The following MAPKAP1 variants were observed in gnomAD, a reference collection of about 807,000 sequenced individuals.
MAPKAP1 encodes MAPK associated protein 1, also known as target of rapamycin complex 2 subunit MAPKAP1.
In MAPKAP1, 20 loss-of-function variants were observed where a neutral mutation model predicts 65.7. The ratio of observed to expected loss-of-function variants is 0.30; its 90% CI spans 0.21 to 0.44. The LOEUF is 0.44. MAPKAP1 is among the 20% of genes least tolerant of loss of function. MAPKAP1 has a pLI of 1.00. For missense variants in MAPKAP1, 423 were observed against 648.0 expected, an observed-to-expected ratio of 0.65 and a Z score of 3.77; for synonymous variants, 222 against 244.3, an observed-to-expected ratio of 0.91 and a Z score of 0.85.
intron 10 of MAPKAP1, 139 bp from the exon 11 acceptor site, chr9:125,444,737 C>T (rs1025898068): frequency 2.1e-5 from 12 of 570,536 alleles, no homozygotes; most frequent in Admixed American, 6.9e-5. Flanking sequence ...AGGAGTAGTT[C>T]GTTTTCTCAT....
At chr9:125,705,417 G>A (rs1218002454) in intron 1 of MAPKAP1, among the ~76,000 whole-genome samples, 3 of 151,996 alleles carry the variant, frequency 2.0e-5, no homozygotes, top group African/African-American at 2.4e-5. Context: ...AGCATTACCT[G>A]GCCACATCCC....
intron 4 of MAPKAP1, among the ~76,000 whole-genome samples, chr9:125,633,492 T>C (rs1206485464): frequency 6.6e-6 from 1 of 152,192 alleles, no homozygotes; most frequent in African/African-American, 2.4e-5. Flanking sequence ...TAAAAGACAG[T>C]TGTCAGAATG....
chr9:125,638,226 G>A (rs1045354627), intron 4 of MAPKAP1, among the ~76,000 whole-genome samples: 1 of 152,182 alleles, frequency 6.6e-6, no homozygotes, highest in African/African-American at 2.4e-5. Context: ...CAATGAACAG[G>A]ACAAACCAAA....
intron 8 of MAPKAP1, among the ~76,000 whole-genome samples, chr9:125,498,434 T>A (rs1483531903): frequency 2.0e-5 from 3 of 152,186 alleles, no homozygotes; most frequent in African/African-American, 7.2e-5. Context: ...ATGAGAACAA[T>A]ATCTTGTAGG....
intron 9 of MAPKAP1, among the ~76,000 whole-genome samples, chr9:125,481,051 CATT>C (rs1464538053): frequency 2.2e-5 from 3 of 134,038 alleles, no homozygotes; most frequent in African/African-American, 8.3e-5. Context: ...AAAAGGTAAA[CATT>C]ATTATCCCCA....
At chr9:125,456,805 T>G (rs1225592395) in intron 10 of MAPKAP1, among the ~76,000 whole-genome samples, 1 of 152,126 alleles carries the variant, frequency 6.6e-6, no homozygotes, top group Non-Finnish European at 1.5e-5. Flanking sequence ...GATTGCAGCC[T>G]TTTGAGAGAC....
chr9:125,660,218 A>T (rs1387491772), intron 3 of MAPKAP1, among the ~76,000 whole-genome samples: 1 of 152,164 alleles, frequency 6.6e-6, no homozygotes, highest in East Asian at 1.9e-4. Context: ...ACCATCTATA[A>T]GGGGCAAAAC....
intron 1 of MAPKAP1, among the ~76,000 whole-genome samples, chr9:125,706,424 G>A (rs1835761077): frequency 6.6e-6 from 1 of 151,586 alleles, no homozygotes; most frequent in Non-Finnish European, 1.5e-5. Context: ...GAGTCAATTT[G>A]GGGGTCTCTG....
intron 8 of MAPKAP1, among the ~76,000 whole-genome samples, chr9:125,492,702 G>A (rs1854778482): frequency 6.6e-6 from 1 of 152,180 alleles, no homozygotes; most frequent in Non-Finnish European, 1.5e-5. Flanking sequence ...GGTTCAAGGA[G>A]TCTTACACCA....
intron 4 of MAPKAP1, among the ~76,000 whole-genome samples, chr9:125,646,920 G>A (rs1009338516): frequency 2.6e-5 from 4 of 152,124 alleles, no homozygotes; most frequent in South Asian, 2.1e-4. Context: ...CCTCAGAGTC[G>A]CTGCACCACA....
In MAPKAP1 at chr9:125,576,742, A is replaced by C. The variant is rs571632953; in HGVS notation, c.671+8813T>G. On this transcript the variant is annotated intron_variant, in intron 5 of 11. Transcript: ENST00000265960. ...CGCTGTGTTGGCCGGGCTGGTCTCC[A>C]GCTCCTAACCGCGAGTGATCCGCCA... Among the ~76,000 whole-genome samples the C allele has an allele frequency of 3.9e-5, 6 of 152,302 alleles. No homozygotes were observed. In the South Asian group the frequency reaches 8.3e-4, roughly 21 times the overall value.
In MAPKAP1 at chr9:125,486,184, A is replaced by G. The variant is rs146764332; in HGVS notation, c.1067-1601T>C. On this transcript the variant is annotated intron_variant, in intron 8 of 11. Coordinates refer to ENST00000265960, the MANE Select transcript of MAPKAP1 (RefSeq NM_001006617.3). Reference sequence around the variant, plus strand: ...CACACGTTACTGCATTGAAGGTCTTATAATTTTCCATATTACAGATGAGAA... The same window carrying G: ...CACACGTTACTGCATTGAAGGTCTTGTAATTTTCCATATTACAGATGAGAA... Among the ~76,000 whole-genome samples the G allele has an allele frequency of 4.5e-3, 683 of 152,342 alleles. 4 individuals are homozygous for G. Among genetic ancestry groups the G allele is most frequent in the African/African-American group, 0.015 (641 of 41,578 alleles).
chr9:125,574,528 T>C (rs1274703116), intron 5 of MAPKAP1, among the ~76,000 whole-genome samples: 3 of 152,130 alleles, frequency 2.0e-5, no homozygotes, highest in African/African-American at 7.2e-5. Flanking sequence ...CAGGTGGGCA[T>C]GCAGATGGTA....
chr9:125,468,354 T>C (rs1334679157), intron 9 of MAPKAP1, among the ~76,000 whole-genome samples: 1 of 152,240 alleles, frequency 6.6e-6, no homozygotes, highest in Admixed American at 6.5e-5. Flanking sequence ...CCCCAAACTA[T>C]ATGAGAAGGT....
At chr9:125,650,792 G>C (rs1169191544) in intron 4 of MAPKAP1, among the ~76,000 whole-genome samples, 1 of 152,158 alleles carries the variant, frequency 6.6e-6, no homozygotes, top group Non-Finnish European at 1.5e-5. Flanking sequence ...ATGAGAAGTA[G>C]AATGCCGAAA....
At chr9:125,591,937 A>G (rs1831978117) in intron 4 of MAPKAP1, among the ~76,000 whole-genome samples, 1 of 152,248 alleles carries the variant, frequency 6.6e-6, no homozygotes, top group South Asian at 2.1e-4. Flanking sequence ...ACTGCATGGC[A>G]ATTTACGTGT....
chr9:125,459,487 G>A (rs10986768), intron 10 of MAPKAP1, among the ~76,000 whole-genome samples: 2,909 of 151,604 alleles, frequency 0.019, 63 homozygotes, highest in East Asian at 0.13. Context: ...AGGTTGTAGC[G>A]AGCCGAGATC....
intron 7 of MAPKAP1, chr9:125,512,852 G>C (rs1450129813): frequency 1.3e-5 from 2 of 152,014 alleles, no homozygotes; most frequent in Admixed American, 1.3e-4. Context: ...CAAAGTGCTA[G>C]GATTACAGGC....
intron 7 of MAPKAP1, among the ~76,000 whole-genome samples, chr9:125,510,684 G>C (rs1191754366): frequency 6.6e-6 from 1 of 152,200 alleles, no homozygotes; most frequent in Non-Finnish European, 1.5e-5. Flanking sequence ...GGACCAATGG[G>C]TAACAACCTG....
Sources: gnomAD v4.1 joint callset for allele counts (sites outside exome capture counted in the v4.1 genomes callset) on GRCh38, gnomAD v4.1.1 for gene constraint, MANE v1.5 for transcripts, NCBI Gene and HGNC (gene_info 2026-07-23, HGNC 2026-07-21) for gene names.